Variants in MACROD2 observed in about 807,000 individuals in gnomAD.
The protein encoded by MACROD2 is mono-ADP ribosylhydrolase 2, also known as ADP-ribose glycohydrolase MACROD2.
In MACROD2, 36 loss-of-function variants were observed where a neutral mutation model predicts 70.4. The ratio of observed to expected loss-of-function variants is 0.51; its 90% CI spans 0.39 to 0.68. MACROD2 has a LOEUF of 0.68. MACROD2 is among the 30% of genes least tolerant of loss of function. MACROD2 has a pLI of 0.00. For synonymous variants in MACROD2, 172 were observed against 178.8 expected, an observed-to-expected ratio of 0.96 and a Z score of 0.30; for missense variants, 496 against 538.4, an observed-to-expected ratio of 0.92 and a Z score of 0.78.
chr20:15,433,227 T>G (rs535925706), intron 7 of MACROD2, among the ~76,000 whole-genome samples: 7 of 151,738 alleles, frequency 4.6e-5, no homozygotes, highest in Non-Finnish European at 8.8e-5. Flanking sequence ...GAGAAAGAAA[T>G]AAAAGGCATC....
At chr20:15,848,182 T>C (rs557518930) in intron 8 of MACROD2, among the ~76,000 whole-genome samples, 1 of 152,264 alleles carries the variant, frequency 6.6e-6, no homozygotes, top group Admixed American at 6.5e-5. Context: ...TGTTGAAACA[T>C]CTGTATCAAT....
At chr20:14,277,707 G>C (rs2082271643) in intron 3 of MACROD2, among the ~76,000 whole-genome samples, 1 of 151,894 alleles carries the variant, frequency 6.6e-6, no homozygotes, top group African/African-American at 2.4e-5. Context: ...TAAAAAAAAA[G>C]AGAGAGTGAG....
chr20:14,459,104 G>T (rs2084337398), intron 3 of MACROD2, among the ~76,000 whole-genome samples: 1 of 151,954 alleles, frequency 6.6e-6, no homozygotes, highest in Non-Finnish European at 1.5e-5. Context: ...TAAGAACTCT[G>T]AGTCTTGTAG....
chr20:14,167,392 GT>G (rs1036730729), intron 3 of MACROD2, among the ~76,000 whole-genome samples: 3 of 150,630 alleles, frequency 2.0e-5, no homozygotes, highest in Non-Finnish European at 3.0e-5. Context: ...TATTTTTTTT[GT>G]TTTTTTTGAG....
At chr20:14,306,882 A>G (rs1045937793) in intron 3 of MACROD2, among the ~76,000 whole-genome samples, 5 of 152,094 alleles carry the variant, frequency 3.3e-5, no homozygotes, top group Non-Finnish European at 7.4e-5. Context: ...CTTCTTGTTT[A>G]ATTAAGCTAG....
intron 6 of MACROD2, among the ~76,000 whole-genome samples, chr20:15,350,902 T>G (rs968213265): frequency 6.6e-6 from 1 of 152,118 alleles, no homozygotes; most frequent in Non-Finnish European, 1.5e-5. Flanking sequence ...ATCCTCTCCA[T>G]ACATTGAATT....
At chr20:14,321,563 AG>A (rs1053811604) in intron 3 of MACROD2, among the ~76,000 whole-genome samples, 3 of 152,220 alleles carry the variant, frequency 2.0e-5, no homozygotes, top group Non-Finnish European at 4.4e-5. Flanking sequence ...AGAAGGAAAA[AG>A]GAATTAGAAT....
chr20:15,624,459 A>G (rs968755241), intron 8 of MACROD2, among the ~76,000 whole-genome samples: 1 of 152,234 alleles, frequency 6.6e-6, no homozygotes, highest in Non-Finnish European at 1.5e-5. Context: ...GGACTTCAAG[A>G]GAACCTATTG....
intron 8 of MACROD2, among the ~76,000 whole-genome samples, chr20:15,667,015 A>G (rs1048787568): frequency 8.5e-5 from 13 of 152,110 alleles, no homozygotes; most frequent in Admixed American, 7.9e-4. Context: ...CTATCTATCA[A>G]TTTACTGATC....
At chr20:15,083,396 C>T (rs59267201) in intron 5 of MACROD2, among the ~76,000 whole-genome samples, 3,439 of 152,206 alleles carry the variant, frequency 0.023, 119 homozygotes, top group African/African-American at 0.079. Flanking sequence ...AAGGACTACT[C>T]GACAATGCTA....
intron 5 of MACROD2, among the ~76,000 whole-genome samples, chr20:15,004,228 C>A (rs2075018212): frequency 6.6e-6 from 1 of 152,228 alleles, no homozygotes; most frequent in South Asian, 2.1e-4. Context: ...GGCAGTTACA[C>A]TTCGCTGACA....
chr20:14,411,125 A>G (rs2083744412), intron 3 of MACROD2, among the ~76,000 whole-genome samples: 1 of 152,036 alleles, frequency 6.6e-6, no homozygotes, highest in African/African-American at 2.4e-5. Context: ...TCCCTGGGGG[A>G]ATTGCCAGGA....
chr20:15,974,103 A>C (rs1433483962), intron 13 of MACROD2, among the ~76,000 whole-genome samples: 4 of 152,186 alleles, frequency 2.6e-5, no homozygotes, highest in African/African-American at 9.6e-5. Flanking sequence ...CAGATGAAAG[A>C]GTTCAGAAAC....
chr20:15,185,324 C>A (rs1426837178), intron 5 of MACROD2, among the ~76,000 whole-genome samples: 2 of 152,088 alleles, frequency 1.3e-5, no homozygotes, highest in Non-Finnish European at 2.9e-5. Context: ...CTTTTGAATT[C>A]TTTTCTTTCT....
At chr20:14,860,458 T>C (rs1401295692) in intron 5 of MACROD2, among the ~76,000 whole-genome samples, 1 of 152,110 alleles carries the variant, frequency 6.6e-6, no homozygotes, top group African/African-American at 2.4e-5. Context: ...GCCTAATTTA[T>C]GGCGAGAGTG....
intron 8 of MACROD2, among the ~76,000 whole-genome samples, chr20:15,741,695 ACTT>A (rs1600829474): frequency 6.6e-6 from 1 of 152,104 alleles, no homozygotes; most frequent in East Asian, 1.9e-4. Flanking sequence ...AGTCTGCTTT[ACTT>A]CTTCATTTCT....
At chr20:14,235,920 TAATAG>T (rs1347398527) in intron 3 of MACROD2, among the ~76,000 whole-genome samples, 4 of 152,032 alleles carry the variant, frequency 2.6e-5, no homozygotes, top group African/African-American at 9.7e-5. Flanking sequence ...AAAACATACT[TAATAG>T]TATTACTGTT....
intron 8 of MACROD2, among the ~76,000 whole-genome samples, chr20:15,649,524 A>G (rs1290870721): frequency 1.3e-5 from 2 of 152,116 alleles, no homozygotes; most frequent in African/African-American, 4.8e-5. Flanking sequence ...CTCACTGTCC[A>G]GACACAGAGA....
intron 10 of MACROD2, among the ~76,000 whole-genome samples, chr20:15,914,740 C>T (rs989056264): frequency 1.3e-5 from 2 of 152,098 alleles, no homozygotes; most frequent in Non-Finnish European, 2.9e-5. Context: ...TCAGGTGGCA[C>T]AGATTAAGGA....
Sources: allele counts gnomAD v4.1 joint callset (sites outside exome capture counted in the v4.1 genomes callset), GRCh38; gene constraint gnomAD v4.1.1; transcripts MANE v1.5; gene names NCBI Gene and HGNC (gene_info 2026-07-23, HGNC 2026-07-21).